The following KCNMA1 variants were observed in gnomAD, a reference collection of about 807,000 sequenced individuals.
The protein encoded by KCNMA1 is potassium calcium-activated channel subfamily M alpha 1.
In KCNMA1, 29 loss-of-function variants were observed where a neutral mutation model predicts 140.0. The observed-to-expected ratio is 0.21, with a 90% CI of 0.15 to 0.28. The LOEUF is 0.28. Among genes scored for constraint, KCNMA1 ranks in the 10% least tolerant of loss-of-function variants. The pLI, the probability that KCNMA1 is intolerant of heterozygous loss-of-function variation, is 1.00. For synonymous variants in KCNMA1, 612 were observed against 611.9 expected (o/e 1.00, Z 0.00); for missense variants, 880 against 1,602.2 (o/e 0.55, Z 7.70).
chr10:77,386,008 T>C (rs2154434588), intron 2 of KCNMA1, among the ~76,000 whole-genome samples: 1 of 152,256 alleles, frequency 6.6e-6, no homozygotes, highest in African/African-American at 2.4e-5. Flanking sequence ...AGGACGTGCC[T>C]CCTACCAGGA....
chr10:77,372,115 A>T (rs78789484), intron 2 of KCNMA1, among the ~76,000 whole-genome samples: 3,919 of 152,246 alleles, frequency 0.026, 156 homozygotes, highest in African/African-American at 0.09. Flanking sequence ...ACAAAGATTA[A>T]TTGTTTGGTC....
chr10:77,637,481 G>C lies in KCNMA1; in HGVS notation c.162C>G (p.Ser54=), dbSNP rs202168036. Residue 54 remains serine (S), a synonymous_variant, in exon 1 of 28, where the codon TCC becomes TCG. Transcript: ENST00000286628. The part of the protein sequence containing the change: ...SSSSSSSSSS[S]SSSSSSVHEP... ...CGTGGACCGAGGACGAGGAGGAAGA[G>C]GAGGAGGAAGAAGAAGAAGAGGAAG... 3 of 1,600,028 alleles carry C rather than the reference G, an allele frequency of 1.9e-6. No individual in the cohort carries two copies. Among genetic ancestry groups the C allele is most frequent in the Non-Finnish European group, 2.6e-6 (3 of 1,171,232 alleles).
chr10:76,875,364 T>G (rs1190964305), downstream of KCNMA1: 1 of 152,156 alleles, frequency 6.6e-6, no homozygotes, highest in Non-Finnish European at 1.5e-5. Context: ...GGGAGGTGCT[T>G]ATGAATCAAG....
chr10:77,408,090 G>C lies in KCNMA1; in HGVS notation c.379-4067C>G, dbSNP rs540686195. Among the ~76,000 whole-genome samples the C allele has an allele frequency of 2.3e-3, 351 of 152,252 alleles. 2 individuals carry two copies. Among genetic ancestry groups the C allele is most frequent in the Non-Finnish European group, 1.9e-3 (130 of 68,014 alleles). ...GCACAGGGTGGACCCCAGACCCAGT[G>C]ACATCTCAGACCCCTTCTGACTCGC... On this transcript the variant is annotated intron_variant, in intron 1 of 27. Coordinates refer to ENST00000286628, the MANE Select transcript of KCNMA1 (RefSeq NM_001161352.2).
Position 77,637,774 on chromosome 10 carries a change from G to C in KCNMA1, c.-132C>G. Reference sequence around the variant, plus strand: ...CGCCGCCGCCGCGGAGCGCGGGAGGGGGGCGGGGAGGCGCCTGGGCTCGGG... The same window carrying C: ...CGCCGCCGCCGCGGAGCGCGGGAGGCGGGCGGGGAGGCGCCTGGGCTCGGG... On this transcript the variant is annotated 5_prime_UTR_variant, in exon 1 of 28. Transcript: ENST00000286628. 1 of 1,293,930 alleles carries C rather than the reference G, an allele frequency of 7.7e-7. No individual in the cohort carries two copies. The highest frequency in any genetic ancestry group is 9.7e-7 in the Non-Finnish European group (1 of 1,031,024). 80.2% of individuals were successfully genotyped at this position (1,293,930 alleles called of 1,614,324 possible).
chr10:77,405,995 G>T (rs1490841108), intron 1 of KCNMA1, among the ~76,000 whole-genome samples: 1 of 152,302 alleles, frequency 6.6e-6, no homozygotes, highest in East Asian at 1.9e-4. Flanking sequence ...GGGACCTGCA[G>T]CCCTGGACGC....
At chr10:76,967,461 G>T (rs2074393327) in intron 20 of KCNMA1, among the ~76,000 whole-genome samples, 1 of 152,180 alleles carries the variant, frequency 6.6e-6, no homozygotes, top group Non-Finnish European at 1.5e-5. Flanking sequence ...ATGGACCCAT[G>T]ACTTCATTGC....
At chr10:77,535,322 G>A (rs553691671) in intron 1 of KCNMA1, among the ~76,000 whole-genome samples, 3 of 152,208 alleles carry the variant, frequency 2.0e-5, no homozygotes, top group East Asian at 1.9e-4. Flanking sequence ...CCCTCCTTCC[G>A]AAAAATACGG....
chr10:77,449,913 A>C (rs2097600252), intron 1 of KCNMA1, among the ~76,000 whole-genome samples: 1 of 151,624 alleles, frequency 6.6e-6, no homozygotes, highest in Non-Finnish European at 1.5e-5. Context: ...AAGTGCTGGG[A>C]TTACAGGTGT....
chr10:76,925,440 TA>T (rs1420895569), intron 23 of KCNMA1, among the ~76,000 whole-genome samples: 1 of 152,168 alleles, frequency 6.6e-6, no homozygotes, highest in Non-Finnish European at 1.5e-5. Context: ...GGCAGATATA[TA>T]CATTACAAGA....
chr10:76,900,087 A>C (rs1336937921), intron 25 of KCNMA1, among the ~76,000 whole-genome samples: 1 of 151,998 alleles, frequency 6.6e-6, no homozygotes, highest in African/African-American at 2.4e-5. Context: ...TTTCATACTA[A>C]TGATTCCTTT....
intron 2 of KCNMA1, among the ~76,000 whole-genome samples, chr10:77,380,722 C>T (rs955702966): frequency 6.6e-6 from 1 of 152,198 alleles, no homozygotes; most frequent in Non-Finnish European, 1.5e-5. Flanking sequence ...CCTGACTTCT[C>T]AGCCTTGCTT....
intron 2 of KCNMA1, among the ~76,000 whole-genome samples, chr10:77,307,457 C>T (rs2078075020): frequency 6.6e-6 from 1 of 152,202 alleles, no homozygotes; most frequent in African/African-American, 2.4e-5. Context: ...ATGTTCAACG[C>T]TTATCACAAA....
At position 76,886,532 on chromosome 10, in the gene KCNMA1, T is replaced by C. The variant is rs2037032041; in HGVS notation, c.*734A>G. 2.0e-6 allele frequency: 2 copies of C among 985,286 alleles called. No individual in the cohort carries two copies. Among genetic ancestry groups the C allele is most frequent in the African/African-American group, 1.7e-5 (1 of 57,244 alleles). The allele number at this position is 985,286 out of a possible 1,614,324, so 61.0% of individuals were successfully genotyped here. A position where few individuals can be genotyped will look rare whatever the true frequency, so the allele number is the denominator to read the frequency against. ...TCACTTAAACTAAATGACTAGAATT[T>C]GATACATCCATGATTGGAATACTAT... On this transcript the variant is annotated 3_prime_UTR_variant, in exon 28 of 28. Coordinates refer to ENST00000286628, the MANE Select transcript of KCNMA1 (RefSeq NM_001161352.2).
At chr10:76,906,191 G>A (rs952727422) in intron 25 of KCNMA1, among the ~76,000 whole-genome samples, 1 of 147,928 alleles carries the variant, frequency 6.8e-6, no homozygotes, top group Non-Finnish European at 1.5e-5. Flanking sequence ...TTAAGTTGGG[G>A]CTGGGGTTGG....
chr10:77,610,213 C>T (rs1002352062), intron 1 of KCNMA1, among the ~76,000 whole-genome samples: 2 of 152,218 alleles, frequency 1.3e-5, no homozygotes, highest in Admixed American at 6.5e-5. Flanking sequence ...ATCCCATCCC[C>T]TGTTCAGTGG....
At chr10:77,173,412 T>C (rs1597875000) in intron 5 of KCNMA1, among the ~76,000 whole-genome samples, 1 of 152,240 alleles carries the variant, frequency 6.6e-6, no homozygotes, top group East Asian at 1.9e-4. Context: ...AGTTTCCCCA[T>C]CTGTAATATG....
At chr10:77,253,977 C>A (rs1195096120) in intron 2 of KCNMA1, among the ~76,000 whole-genome samples, 4 of 152,162 alleles carry the variant, frequency 2.6e-5, no homozygotes, top group Non-Finnish European at 5.9e-5. Flanking sequence ...GACTTGTCTT[C>A]TCTAGGCCCC....
intron 1 of KCNMA1, among the ~76,000 whole-genome samples, chr10:77,593,486 G>T (rs750990201): frequency 1.3e-5 from 2 of 152,144 alleles, no homozygotes; most frequent in Non-Finnish European, 2.9e-5. Context: ...GAGATCTATG[G>T]GCTCCTACCC....
Sources: gnomAD v4.1 joint callset for allele counts (sites outside exome capture counted in the v4.1 genomes callset) on GRCh38, gnomAD v4.1.1 for gene constraint, MANE v1.5 for transcripts, NCBI Gene and HGNC (gene_info 2026-07-23, HGNC 2026-07-21) for gene names.